ODR4: variants seen among roughly 807,000 people sequenced by gnomAD.
ODR4 encodes protein odr-4 homolog.
ODR4 carries 47 observed loss-of-function variants against 60.2 expected under a neutral mutation model. The observed-to-expected ratio is 0.78, with a 90% CI of 0.62 to 1.00. The LOEUF is 1.00. Among genes scored for constraint, ODR4 ranks in the 50% least tolerant of loss-of-function variants. The probability of loss-of-function intolerance (pLI) is 0.00; values close to 1 mark genes in which losing one functional copy is unlikely to be tolerated. For synonymous variants in ODR4, 178 were observed against 175.5 expected (o/e 1.01, Z -0.11); for missense variants, 488 against 530.8 (o/e 0.92, Z 0.79).
intron 9 of ODR4, among the ~76,000 whole-genome samples, chr1:186,395,195 C>T (rs1219448307): frequency 6.6e-6 from 1 of 152,014 alleles, no homozygotes. Context: ...CCTGGGTTCA[C>T]GCCATTCTCC....
rs563803246 is a variant in ODR4 at position 186,414,967 on chromosome 1, G to A, written c.1187-2577G>A. 7.2e-5 allele frequency among the ~76,000 whole-genome samples: 11 copies of A among 152,200 alleles called. No individual in the cohort carries two copies. In the South Asian group the frequency reaches 2.3e-3, roughly 32 times the overall value. On this transcript the variant is annotated intron_variant, in intron 12 of 13. Coordinates refer to ENST00000287859, the MANE Select transcript of ODR4 (RefSeq NM_017847.6). Reference sequence around the variant, plus strand: ...AATTTTAAATTACTGAGCTAATATAGTCTAGAACTGAAGTATTATAGCCCT... The same window carrying A: ...AATTTTAAATTACTGAGCTAATATAATCTAGAACTGAAGTATTATAGCCCT...
intron 3 of ODR4, among the ~76,000 whole-genome samples, chr1:186,385,103 C>T (rs1379034779): frequency 1.3e-5 from 2 of 151,842 alleles, no homozygotes; most frequent in African/African-American, 4.8e-5. Flanking sequence ...AGTTATCCAC[C>T]TCAAGGGATT....
chr1:186,378,248 G>A (rs1218293899), intron 1 of ODR4, among the ~76,000 whole-genome samples: 1 of 152,124 alleles, frequency 6.6e-6, no homozygotes, highest in African/African-American at 2.4e-5. Flanking sequence ...GCATATCTCT[G>A]GTAGCCTTAA....
chr1:186,415,176 G>A (rs1571702207), intron 12 of ODR4, among the ~76,000 whole-genome samples: 2 of 152,158 alleles, frequency 1.3e-5, no homozygotes, highest in Non-Finnish European at 2.9e-5. Flanking sequence ...AAAAAGAATA[G>A]TGGTGCCCTT....
chr1:186,408,530 TA>T (rs1661254321), intron 12 of ODR4, among the ~76,000 whole-genome samples: 1 of 149,886 alleles, frequency 6.7e-6, no homozygotes. Context: ...TGTTTATATA[TA>T]ATATAAACAT....
downstream of ODR4, among the ~76,000 whole-genome samples, chr1:186,422,640 A>T (rs946999793): frequency 6.6e-6 from 1 of 152,168 alleles, no homozygotes; most frequent in African/African-American, 2.4e-5. Context: ...TTACATTTAC[A>T]TGTTTAGATC....
intron 9 of ODR4, among the ~76,000 whole-genome samples, chr1:186,395,997 C>T (rs893710371): frequency 6.6e-6 from 1 of 152,214 alleles, no homozygotes; most frequent in East Asian, 1.9e-4. Flanking sequence ...CTTGCCATAC[C>T]TTTAAAGCTC....
At chr1:186,416,270 T>C (rs1186206903) in intron 12 of ODR4, among the ~76,000 whole-genome samples, 4 of 152,146 alleles carry the variant, frequency 2.6e-5, no homozygotes, top group Non-Finnish European at 4.4e-5. Flanking sequence ...GCATGGTGGC[T>C]CACACCTGTA....
At chr1:186,394,440 TATTA>T (rs1360844052) in intron 9 of ODR4, among the ~76,000 whole-genome samples, 2 of 152,190 alleles carry the variant, frequency 1.3e-5, no homozygotes, top group South Asian at 2.1e-4. Context: ...AATCACAAAG[TATTA>T]ATTAGCAAGT....
At chr1:186,432,298 A>T in the ODR4 span, among the ~76,000 whole-genome samples, 1 of 152,064 alleles carries the variant, frequency 6.6e-6, no homozygotes, top group Non-Finnish European at 1.5e-5. Flanking sequence ...TTTTATTTAA[A>T]TTTTTTGTTT....
chr1:186,425,881 A>C (rs1287880276), downstream of ODR4, among the ~76,000 whole-genome samples: 2 of 152,198 alleles, frequency 1.3e-5, no homozygotes, highest in Non-Finnish European at 2.9e-5. Flanking sequence ...CACACTTTAA[A>C]TATTCTATAA....
the ODR4 span, among the ~76,000 whole-genome samples, chr1:186,429,900 C>T: frequency 6.6e-6 from 1 of 152,054 alleles, no homozygotes; most frequent in Non-Finnish European, 1.5e-5. Flanking sequence ...AATGAGGTCT[C>T]ATAAAATTTA....
At chr1:186,402,398 T>G (rs1001470706) in intron 11 of ODR4, among the ~76,000 whole-genome samples, 8 of 150,738 alleles carry the variant, frequency 5.3e-5, no homozygotes, top group Non-Finnish European at 1.0e-4. Flanking sequence ...TCTTCCTTTC[T>G]TCCTTCTTTT....
At chr1:186,410,845 G>A (rs534895127) in intron 12 of ODR4, among the ~76,000 whole-genome samples, 11 of 151,900 alleles carry the variant, frequency 7.2e-5, no homozygotes, top group East Asian at 5.8e-4. Context: ...GAGAAACCCC[G>A]TCTCTACTAA....
chr1:186,394,113 A>G (rs1420837224), intron 9 of ODR4, 98 bp downstream of exon 9: 1 of 719,314 alleles, frequency 1.4e-6, no homozygotes, highest in African/African-American at 1.8e-5. Context: ...AAAGGATTTT[A>G]GAGCTGTAAG....
chr1:186,422,835 G>A (rs1235606064), downstream of ODR4, among the ~76,000 whole-genome samples: 1 of 152,046 alleles, frequency 6.6e-6, no homozygotes, highest in Non-Finnish European at 1.5e-5. Flanking sequence ...TACAGGAAAG[G>A]GAATAAATCA....
the ODR4 span, among the ~76,000 whole-genome samples, chr1:186,427,158 A>T: frequency 6.6e-6 from 1 of 152,208 alleles, no homozygotes; most frequent in Non-Finnish European, 1.5e-5. Context: ...ATTTCTTGAA[A>T]GACAATGACA....
At chr1:186,427,473 T>C in the ODR4 span, among the ~76,000 whole-genome samples, 7 of 150,886 alleles carry the variant, frequency 4.6e-5, no homozygotes, top group African/African-American at 1.7e-4. Flanking sequence ...TAGTCACATC[T>C]TTAGGCTCCA....
At chr1:186,412,617 A>AT (rs1203739110) in intron 12 of ODR4, among the ~76,000 whole-genome samples, 2 of 151,854 alleles carry the variant, frequency 1.3e-5, no homozygotes, top group African/African-American at 4.8e-5. Context: ...TAAACATCCT[A>AT]TTTTTTTTAG....
Sources: allele counts gnomAD v4.1 joint callset (sites outside exome capture counted in the v4.1 genomes callset), GRCh38; gene constraint gnomAD v4.1.1; transcripts MANE v1.5; gene names NCBI Gene and HGNC (gene_info 2026-07-23, HGNC 2026-07-21).